The following RNF213 variants were observed in gnomAD, a reference collection of about 807,000 sequenced individuals.
RNF213 encodes E3 ubiquitin-protein ligase RNF213.
In RNF213, 341 loss-of-function variants were observed where a neutral mutation model predicts 514.4. The ratio of observed to expected loss-of-function variants is 0.66; its 90% confidence interval spans 0.61 to 0.73. RNF213 has a LOEUF of 0.73. Among genes scored for constraint, RNF213 ranks in the 30% least tolerant of loss-of-function variants. The pLI is 0.00. For missense variants in RNF213, 5,767 were observed against 6,615.6 expected, an observed-to-expected ratio of 0.87 and a Z score of 4.45; for synonymous variants, 2,655 against 2,658.2, an observed-to-expected ratio of 1.00 and a Z score of 0.04.
Position 80,363,669 on chromosome 17 carries a change from C to T in RNF213, c.11629C>T (p.Pro3877Ser), listed in dbSNP as rs752021088. ...GATGCTGACAAGAAACACCCTGAAG[C>T]CCAGTCCCCAGGCGTGGCTACAGTT... The part of the protein sequence containing the change: ...TEMLTRNTLK[P>S]SPQAWLQLVK... The change falls in exon 41 of 68, where the codon CCC becomes TCC. Residue 3877 changes from proline to serine, a missense_variant. Pro to Ser is a moderately conservative substitution (Grantham distance 74). Transcript: ENST00000582970. 2 of 1,614,128 alleles carry T rather than the reference C, an allele frequency of 1.2e-6. No homozygotes were observed. The highest frequency in any genetic ancestry group is 2.2e-5 in the South Asian group (2 of 91,074).
At position 80,337,683 on chromosome 17, in the gene RNF213, A is replaced by G. The variant is rs781412586; in HGVS notation, c.4625A>G (p.Gln1542Arg). 144 of 1,537,176 alleles carry G rather than the reference A, an allele frequency of 9.4e-5. 3 individuals are homozygous for G. In the South Asian group the frequency reaches 1.5e-3, roughly 16 times the overall value. Residue 1542 changes from glutamine to arginine, a missense_variant, in exon 24 of 68, where the codon CAA becomes CGA. By Grantham distance (43) the Gln-to-Arg change is conservative (BLOSUM62 1). Coordinates refer to ENST00000582970, the MANE Select transcript of RNF213 (RefSeq NM_001256071.3). ...SSLTLATAINQRGIYVIQAPK... is the reference protein window; with the variant it reads ...SSLTLATAINRRGIYVIQAPK... ...CTGACCCTGGCCACGGCCATCAACC[A>G]AAGAGGCATCTATGTGATCCAGGCG...
chr17:80,388,946 T>C (rs999369430), intron 64 of RNF213: 6 of 622,190 alleles, frequency 9.6e-6, no homozygotes, highest in Admixed American at 2.6e-5. Context: ...GGGAAGTCCA[T>C]GGAACCGATT....
Position 80,336,292 on chromosome 17 carries a change from C to T in RNF213, c.4441C>T (p.Pro1481Ser). 3.9e-6 allele frequency: 6 copies of T among 1,537,204 alleles called. No homozygotes were observed. Among genetic ancestry groups the T allele is most frequent in the Non-Finnish European group, 5.2e-6 (6 of 1,146,916 alleles). The change falls in exon 23 of 68, where the codon CCC becomes TCC. Residue 1481 changes from proline (P) to serine (S), a missense_variant. By Grantham distance (74) the Pro-to-Ser change is moderately conservative (BLOSUM62 -1). Around this residue, in one of 13 missense-constraint regions of RNF213, gnomAD observed 1,377 missense variants for 1,635.2 expected, o/e 0.84. Coordinates refer to ENST00000582970, the MANE Select transcript of RNF213 (RefSeq NM_001256071.3). ...GYASLLFKLD[P>S]SVDFSAFMKH... is the part of the protein sequence containing the mutation. ...CGCATCCCTGCTATTTAAGCTGGACCCCAGCGTGGACTTCAGTGCATTCAT... is the reference window on the plus strand; with the variant it reads ...CGCATCCCTGCTATTTAAGCTGGACTCCAGCGTGGACTTCAGTGCATTCAT...
rs926174737 is a variant in RNF213, at chr17:80,336,435, C to T, written c.4527+57C>T. 5.4e-5 allele frequency: 78 copies of T among 1,437,782 alleles called. No individual in the cohort carries two copies. In the East Asian group the frequency reaches 9.1e-4, roughly 17 times the overall value. 89.1% of individuals were successfully genotyped at this position (1,437,782 alleles called of 1,614,324 possible). On this transcript the variant is annotated intron_variant, in intron 23 of 67. Transcript: ENST00000582970. ...TGTTGAATAGAGCATTGCTTAGCAA[C>T]GTTAGGGCAGTGACTGTGGAAATGG...
chr17:80,337,194 A>G (rs138640049), intron 23 of RNF213, among the ~76,000 whole-genome samples: 205 of 152,358 alleles, frequency 1.3e-3, no homozygotes, highest in African/African-American at 4.6e-3. Context: ...GGGACTCCAC[A>G]GCCATTGCTT....
At chr17:80,356,249 G>A (rs905033084) in intron 36 of RNF213, among the ~76,000 whole-genome samples, 1 of 152,170 alleles carries the variant, frequency 6.6e-6, no homozygotes, top group Non-Finnish European at 1.5e-5. Context: ...TGATCCACTC[G>A]CCTCAGCCTC....
rs774502050 is a variant in RNF213, at chr17:80,385,638, C to T, written c.14539+17C>T. 3 of 1,608,388 alleles carry T rather than the reference C, an allele frequency of 1.9e-6. No homozygotes were observed. Among genetic ancestry groups the T allele is most frequent in the South Asian group, 1.1e-5 (1 of 90,924 alleles). ...AGACGAACGGTTAGTATCCTGTCCC[C>T]TGTACCACTAAGCGTTCCAGGAGAG... On this transcript the variant is annotated intron_variant, in intron 61 of 67. Coordinates refer to ENST00000582970, the MANE Select transcript of RNF213 (RefSeq NM_001256071.3).
At chr17:80,374,998 T>A (rs1171101680) in intron 50 of RNF213, 1 of 240,466 alleles carries the variant, frequency 4.2e-6, no homozygotes, top group African/African-American at 2.2e-5. Context: ...TAAAAATACA[T>A]ATGTTGGTGT....
chr17:80,294,624 A>G (rs2044867809), intron 8 of RNF213, 96 bp from the exon 9 acceptor site: 1 of 1,442,636 alleles, frequency 6.9e-7, no homozygotes, highest in Non-Finnish European at 9.7e-7. Context: ...TTTACTCCAT[A>G]TCTGTACCAG....
At position 80,381,640 on chromosome 17, in the gene RNF213, C is replaced by A; in HGVS notation, c.13891C>A (p.Leu4631Met). ...LKDLEQLAKM[L>M]GHSADETIGV... The stretch of plus-strand genomic sequence containing the variant: ...GGACCTGGAGCAGTTGGCCAAGATG[C>A]TGGGACACAGTGCCGACGAGACCAT... Residue 4631 changes from leucine to methionine, a missense_variant, in exon 57 of 68, where the codon CTG becomes ATG. By Grantham distance (15) the Leu-to-Met change is conservative. This residue lies in a region of RNF213 where 1,245 missense variants were observed against 1,339.0 expected (regional missense o/e 0.93). Transcript: ENST00000582970. The A allele has an allele frequency of 6.2e-7, 1 of 1,614,242 alleles. No individual in the cohort carries two copies. The highest frequency in any genetic ancestry group is 8.5e-7 in the Non-Finnish European group (1 of 1,180,030).
chr17:80,359,975 A>C, intron 37 of RNF213, 86 bp from the exon 38 acceptor site: 5 of 1,422,494 alleles, frequency 3.5e-6, no homozygotes, highest in Non-Finnish European at 4.9e-6. Context: ...AGGTCTGAGA[A>C]GAGCTGGCAT....
In RNF213 at chr17:80,344,818, C is replaced by A; in HGVS notation, c.6483C>A (p.Ser2161Arg). ...EPGMDLWEFC[S>R]ETFQRPYQYL... ...GGATGGATCTGTGGGAGTTCTGCAGCGAAACTTTCCAAAGACCTTACCAGT... is the reference window on the plus strand; with the variant it reads ...GGATGGATCTGTGGGAGTTCTGCAGAGAAACTTTCCAAAGACCTTACCAGT... Residue 2161 changes from serine (S) to arginine (R), a missense_variant, in exon 29 of 68, where the codon AGC (serine) becomes AGA (arginine). Ser to Arg is a moderately radical substitution (Grantham distance 110, BLOSUM62 -1). Transcript: ENST00000582970. The A allele has an allele frequency of 6.2e-7, 1 of 1,614,092 alleles. No homozygotes were observed. Among genetic ancestry groups the A allele is most frequent in the Non-Finnish European group, 8.5e-7 (1 of 1,180,034 alleles).
At position 80,264,069 on chromosome 17, in the gene RNF213, G is replaced by C. The variant is rs181298782; in HGVS notation, c.97+291G>C. Among the ~76,000 whole-genome samples the C allele has an allele frequency of 6.6e-6, 1 of 152,352 alleles. No homozygotes were observed. The highest frequency in any genetic ancestry group is 6.5e-5 in the Admixed American group (1 of 15,302). ...GAGTGAGCCCACCCGAGTGGGAGGA[G>C]AGGGCAGGGCCAGGGCAGGGAGAGG... On this transcript the variant is annotated intron_variant, in intron 2 of 67. Coordinates refer to ENST00000582970, the MANE Select transcript of RNF213 (RefSeq NM_001256071.3). This position sits in a 1 kb window ranked among gnomAD's most constrained non-coding sequence, Gnocchi z 5.0.
intron 22 of RNF213, among the ~76,000 whole-genome samples, chr17:80,335,762 G>A (rs2077970456): frequency 6.6e-6 from 1 of 152,018 alleles, no homozygotes; most frequent in Non-Finnish European, 1.5e-5. Context: ...GATCACCTGA[G>A]GTCAGGAGTT....
chr17:80,304,833 C>T (rs540761806), intron 11 of RNF213, among the ~76,000 whole-genome samples: 3 of 152,234 alleles, frequency 2.0e-5, no homozygotes, highest in African/African-American at 7.2e-5. Flanking sequence ...AACTCAGCTT[C>T]CCCAGCTGAA....
chr17:80,390,261 C>A, intron 67 of RNF213, 65 bp downstream of exon 67: 1 of 1,505,606 alleles, frequency 6.6e-7, no homozygotes, highest in Non-Finnish European at 9.2e-7. Context: ...CTGTGATCTT[C>A]TATAGACACA....
intron 32 of RNF213, chr17:80,352,193 C>T (rs2078548197): frequency 4.4e-6 from 1 of 228,864 alleles, no homozygotes; most frequent in Non-Finnish European, 8.8e-6. Context: ...AACTGTTTCT[C>T]ATTTGGTTCT....
Position 80,328,003 on chromosome 17 carries a change from C to T in RNF213, c.3367+14C>T, listed in dbSNP as rs376629463. 4.1e-4 allele frequency: 627 copies of T among 1,536,972 alleles called. 1 individual carries two copies. The highest frequency in any genetic ancestry group is 7.4e-4 in the South Asian group (62 of 84,010). The stretch of plus-strand genomic sequence containing the variant: ...TCTGGCAACTGAGTAAGCATCGAGT[C>T]GATACGCACTTCAGGCTCCTGAGGC... On this transcript the variant is annotated intron_variant, in intron 19 of 67. Coordinates refer to ENST00000582970, the MANE Select transcript of RNF213 (RefSeq NM_001256071.3).
At chr17:80,387,853 C>A (rs1181079675) in intron 63 of RNF213, among the ~76,000 whole-genome samples, 1 of 152,006 alleles carries the variant, frequency 6.6e-6, no homozygotes. Flanking sequence ...CATCTCTGTT[C>A]TTTGACTGGA....
Sources: gnomAD v4.1 joint callset for allele counts (sites outside exome capture counted in the v4.1 genomes callset) on GRCh38, gnomAD v4.1.1 for gene constraint, gnomAD v4.1.1 regional missense constraint, Gnocchi (gnomAD v3.1) non-coding constraint, MANE v1.5 for transcripts, NCBI Gene and HGNC (gene_info 2026-07-23, HGNC 2026-07-21) for gene names.